DAB1: variants seen among roughly 807,000 people sequenced by gnomAD.
DAB1 encodes the protein disabled homolog 1.
DAB1 carries 15 observed loss-of-function variants against 64.6 expected under a neutral mutation model. That is an observed-to-expected ratio of 0.23 (90% confidence interval 0.16 to 0.36). The LOEUF (loss-of-function observed/expected upper bound fraction) is 0.36. Ranked by LOEUF, DAB1 falls within the 10% of genes least tolerant of loss-of-function variation. The pLI is 1.00. For synonymous variants in DAB1, 235 were observed against 251.9 expected (o/e 0.93, Z 0.64); for missense variants, 596 against 706.7 (o/e 0.84, Z 1.78).
intron 4 of DAB1, among the ~76,000 whole-genome samples, chr1:58,217,667 A>G (rs1202817794): frequency 1.3e-5 from 2 of 152,196 alleles, no homozygotes; most frequent in East Asian, 3.8e-4. Flanking sequence ...TTATTCTCCC[A>G]TTTTAGAGAT....
chr1:57,950,433 C>T (rs114388826), intron 5 of DAB1, among the ~76,000 whole-genome samples: 10,049 of 152,210 alleles, frequency 0.066, 477 homozygotes, highest in Non-Finnish European at 0.09. Flanking sequence ...ACTAGCACTG[C>T]TTTCTAACAG....
intron 2 of DAB1, among the ~76,000 whole-genome samples, chr1:57,267,863 T>C (rs1392269232): frequency 1.3e-5 from 2 of 152,126 alleles, no homozygotes; most frequent in Admixed American, 6.6e-5. Context: ...TCCATGGGTA[T>C]CCCACGCTCC....
intron 3 of DAB1, among the ~76,000 whole-genome samples, chr1:58,445,225 T>C (rs1171378110): frequency 6.6e-6 from 1 of 152,258 alleles, no homozygotes; most frequent in African/African-American, 2.4e-5. Flanking sequence ...TAAATGTATA[T>C]GTAAACACAT....
intron 5 of DAB1, among the ~76,000 whole-genome samples, chr1:57,908,456 C>T (rs1235097611): frequency 1.3e-5 from 2 of 152,120 alleles, no homozygotes; most frequent in Non-Finnish European, 2.9e-5. Context: ...TGAGGGAGAG[C>T]ACTAGCAACC....
rs1280442723 is a variant in DAB1, at chr1:57,318,765, T to A, written c.-136-27599A>T. The stretch of plus-strand genomic sequence containing the variant: ...AAAAAAAAAAAAAAATTTCATCGGA[T>A]TCCTCAGCCTCTGGATTGAGGATAA... On this transcript the variant is annotated intron_variant, in intron 1 of 14. Coordinates refer to ENST00000371236, the MANE Select transcript of DAB1 (RefSeq NM_001365792.1). Among the ~76,000 whole-genome samples, 3 of 150,302 alleles carry A rather than the reference T, an allele frequency of 2.0e-5. No individual in the cohort carries two copies. The East Asian group carries it at 5.9e-4, about 30-fold the overall frequency.
At chr1:57,726,453 T>C (rs1240092872) in intron 6 of DAB1, among the ~76,000 whole-genome samples, 3 of 152,134 alleles carry the variant, frequency 2.0e-5, no homozygotes, top group Non-Finnish European at 1.5e-5. Flanking sequence ...AAATGTAAAC[T>C]AGTTCTACAT....
intron 4 of DAB1, among the ~76,000 whole-genome samples, chr1:58,229,442 G>T (rs747683873): frequency 5.9e-5 from 9 of 152,170 alleles, no homozygotes; most frequent in South Asian, 2.1e-4. Flanking sequence ...TTGGAACCAG[G>T]TCCTGTGTAG....
At chr1:57,864,198 T>C (rs529120412) in intron 1 of DAB1, among the ~76,000 whole-genome samples, 2 of 152,150 alleles carry the variant, frequency 1.3e-5, no homozygotes, top group African/African-American at 2.4e-5. Flanking sequence ...CATGTGGATG[T>C]TGGGGAAGAT....
intron 2 of DAB1, among the ~76,000 whole-genome samples, chr1:57,168,079 T>A (rs998465462): frequency 6.6e-6 from 1 of 152,126 alleles, no homozygotes; most frequent in African/African-American, 2.4e-5. Context: ...CACACTCATA[T>A]CTCCCCTAGA....
At chr1:58,127,953 G>A (rs893455828) in intron 5 of DAB1, among the ~76,000 whole-genome samples, 3 of 152,048 alleles carry the variant, frequency 2.0e-5, no homozygotes, top group African/African-American at 2.4e-5. Flanking sequence ...CTCTTTTTTG[G>A]TTCCATATGA....
chr1:57,497,403 A>G (rs1303436789), intron 7 of DAB1, among the ~76,000 whole-genome samples: 3 of 152,218 alleles, frequency 2.0e-5, no homozygotes, highest in Admixed American at 2.0e-4. Context: ...ACATTAGTTA[A>G]ATGTCTACTG....
At chr1:57,151,233 T>G (rs971339) in intron 2 of DAB1, among the ~76,000 whole-genome samples, 4 of 152,072 alleles carry the variant, frequency 2.6e-5, no homozygotes, top group African/African-American at 9.7e-5. Flanking sequence ...AAAAAGAACA[T>G]TATAGCAACA....
At position 58,536,619 on chromosome 1, in the gene DAB1, A is replaced by G. The variant is rs552327271; in HGVS notation, n.33-9284T>C. 3.9e-5 allele frequency: 34 copies of G among 872,846 alleles called. No individual in the cohort carries two copies. In the East Asian group the frequency reaches 6.2e-4, roughly 16 times the overall value. 54.1% of individuals were successfully genotyped at this position (872,846 alleles called of 1,614,324 possible). ...TACTTCCAGGTGAGTAAAATAAAAC[A>G]CCACAAAGAGCAATCCAAAACTACT... is the stretch of plus-strand genomic sequence containing the variant. On this transcript the variant is annotated intron_variant and non_coding_transcript_variant, in intron 1 of 20. Transcript: ENST00000485760.
chr1:58,082,690 G>C (rs556530427), intron 5 of DAB1, among the ~76,000 whole-genome samples: 1 of 152,178 alleles, frequency 6.6e-6, no homozygotes, highest in African/African-American at 2.4e-5. Flanking sequence ...GGAAAAAGAG[G>C]AGAAGGGCAT....
intron 6 of DAB1, 180 bp downstream of exon 6, chr1:57,071,341 GA>G: frequency 2.7e-6 from 2 of 740,146 alleles, no homozygotes; most frequent in Non-Finnish European, 4.3e-6. Context: ...AACATGTCTA[GA>G]GTTTAAGAGA....
intron 5 of DAB1, among the ~76,000 whole-genome samples, chr1:57,901,268 C>T (rs1381502134): frequency 6.6e-6 from 1 of 152,096 alleles, no homozygotes; most frequent in Non-Finnish European, 1.5e-5. Flanking sequence ...TTCCATTCCC[C>T]ACACCTGCTG....
chr1:57,033,710 T>G (rs1345595902), intron 9 of DAB1: 7 of 805,308 alleles, frequency 8.7e-6, no homozygotes, highest in Admixed American at 4.1e-5. Context: ...CCAATGTCTG[T>G]GAAAATCTTG....
chr1:58,427,790 A>G lies in DAB1; in HGVS notation n.257+78270T>C, dbSNP rs141826752. ...ATGTTAGATAGGGAGTTGGTCATGT[A>G]AATCTAGAGTTCAGGGGAGAGGCCT... On this transcript the variant is annotated intron_variant and non_coding_transcript_variant, in intron 3 of 20. Coordinates refer to the DAB1 transcript ENST00000485760. Among the ~76,000 whole-genome samples the G allele has an allele frequency of 2.2e-4, 33 of 152,304 alleles. No individual in the cohort carries two copies. The East Asian group carries it at 6.2e-3, about 29-fold the overall frequency.
chr1:57,447,495 C>T (rs1441192510), intron 7 of DAB1, among the ~76,000 whole-genome samples: 1 of 152,210 alleles, frequency 6.6e-6, no homozygotes, highest in Non-Finnish European at 1.5e-5. Context: ...TTTGCACTCT[C>T]TTACTCCCTC....
Sources: allele counts gnomAD v4.1 joint callset (sites outside exome capture counted in the v4.1 genomes callset), GRCh38; gene constraint gnomAD v4.1.1; transcripts MANE v1.5; gene names NCBI Gene and HGNC (gene_info 2026-07-23, HGNC 2026-07-21).